HOMER2: variants seen among roughly 807,000 people sequenced by gnomAD.
HOMER2 encodes the protein homer scaffold protein 2.
HOMER2 carries 27 observed loss-of-function variants against 47.0 expected under a neutral mutation model. The ratio of observed to expected loss-of-function variants is 0.57; its 90% CI spans 0.42 to 0.79. The LOEUF (loss-of-function observed/expected upper bound fraction) is 0.79, where lower values mean the gene tolerates loss of function less well. HOMER2 is among the 30% of genes least tolerant of loss of function. HOMER2 has a pLI of 0.00. For missense variants in HOMER2, 443 were observed against 435.0 expected, an observed-to-expected ratio of 1.02 and a Z score of -0.16; for synonymous variants, 161 against 163.8, an observed-to-expected ratio of 0.98 and a Z score of 0.13.
At chr15:82,868,983 T>C (rs1296418608) in intron 3 of HOMER2, among the ~76,000 whole-genome samples, 3 of 152,178 alleles carry the variant, frequency 2.0e-5, no homozygotes, top group African/African-American at 7.2e-5. Context: ...GGCAATGACC[T>C]AGAAGTTACC....
chr15:82,851,673 A>G (rs1209441963), intron 7 of HOMER2, among the ~76,000 whole-genome samples: 2 of 152,200 alleles, frequency 1.3e-5, no homozygotes, highest in Non-Finnish European at 2.9e-5. Context: ...GCGTGTGTCT[A>G]TAGTCCCAGC....
chr15:82,911,855 C>A (rs908720241), intron 1 of HOMER2, among the ~76,000 whole-genome samples: 2 of 152,004 alleles, frequency 1.3e-5, no homozygotes, highest in Non-Finnish European at 2.9e-5. Context: ...CATGGTAAAA[C>A]CCCCATCTCT....
intron 1 of HOMER2, among the ~76,000 whole-genome samples, chr15:82,932,139 G>A (rs2054027062): frequency 6.6e-6 from 1 of 152,184 alleles, no homozygotes; most frequent in Non-Finnish European, 1.5e-5. Flanking sequence ...ACAGCCCAAT[G>A]CTAGAGACCA....
At chr15:82,941,513 C>G (rs1197971749) in intron 1 of HOMER2, among the ~76,000 whole-genome samples, 1 of 151,128 alleles carries the variant, frequency 6.6e-6, no homozygotes, top group Non-Finnish European at 1.5e-5. Context: ...AAAATGTTCC[C>G]TTACTGCCTA....
intron 1 of HOMER2, among the ~76,000 whole-genome samples, chr15:82,981,159 C>T (rs1182645839): frequency 1.3e-5 from 2 of 152,234 alleles, no homozygotes; most frequent in Non-Finnish European, 2.9e-5. Flanking sequence ...GAACTGCAAG[C>T]TGCCCAATAT....
intron 1 of HOMER2, among the ~76,000 whole-genome samples, chr15:82,895,270 C>T (rs2052869817): frequency 1.3e-5 from 2 of 152,120 alleles, no homozygotes; most frequent in Non-Finnish European, 2.9e-5. Context: ...CCAAGTTCAC[C>T]CACACACTCG....
chr15:82,861,234 A>G (rs2051779833), intron 4 of HOMER2, among the ~76,000 whole-genome samples: 1 of 152,148 alleles, frequency 6.6e-6, no homozygotes, highest in East Asian at 1.9e-4. Flanking sequence ...TTATGCAGAA[A>G]CCACCAAATG....
intron 1 of HOMER2, among the ~76,000 whole-genome samples, chr15:82,909,006 G>C (rs1056611124): frequency 2.0e-5 from 3 of 152,250 alleles, no homozygotes; most frequent in East Asian, 1.9e-4. Context: ...AGGGTCTGCA[G>C]AGAGAAAAGA....
chr15:82,872,202 G>A (rs2052199113), intron 3 of HOMER2, among the ~76,000 whole-genome samples: 1 of 152,138 alleles, frequency 6.6e-6, no homozygotes, highest in Non-Finnish European at 1.5e-5. Flanking sequence ...CCCTCAGACA[G>A]AGGTTCCAGC....
chr15:82,913,312 AT>A lies in HOMER2; in HGVS notation c.6-20472del, dbSNP rs59538590. 4.9e-4 allele frequency among the ~76,000 whole-genome samples: 72 copies of A among 146,718 alleles called. No homozygotes were observed. The highest frequency in any genetic ancestry group is 6.5e-4 in the African/African-American group (26 of 40,204). On this transcript the variant is annotated intron_variant, in intron 1 of 8. Transcript: ENST00000450735. This position sits in a 1 kb window ranked among gnomAD's most constrained non-coding sequence, Gnocchi z 4.1. ...CTTACTTTGCCTCCAGGTTAGTCTG[AT>A]TTTTTTTTTTTAACAGCAAACATTG...
At chr15:82,969,069 T>G (rs1416287224) in intron 1 of HOMER2, among the ~76,000 whole-genome samples, 1 of 152,172 alleles carries the variant, frequency 6.6e-6, no homozygotes, top group African/African-American at 2.4e-5. Context: ...TTGAGGAAAT[T>G]CAGAAAGTGG....
intron 3 of HOMER2, among the ~76,000 whole-genome samples, chr15:82,871,280 G>GA (rs1395121394): frequency 2.6e-5 from 4 of 152,216 alleles, no homozygotes; most frequent in African/African-American, 9.6e-5. Flanking sequence ...TTTCTGGGGG[G>GA]TAGAGAGGGA....
chr15:82,938,330 C>T (rs968834772), intron 1 of HOMER2, among the ~76,000 whole-genome samples: 2 of 152,094 alleles, frequency 1.3e-5, no homozygotes, highest in African/African-American at 4.8e-5. Flanking sequence ...GTTGAGATCG[C>T]GCCACTGCAC....
intron 1 of HOMER2, among the ~76,000 whole-genome samples, chr15:82,968,838 G>A (rs961787707): frequency 6.6e-6 from 1 of 152,262 alleles, no homozygotes; most frequent in South Asian, 2.1e-4. Context: ...TTTCAGCTTC[G>A]AGGCTGATCA....
intron 1 of HOMER2, among the ~76,000 whole-genome samples, chr15:82,934,650 T>G (rs2054099693): frequency 6.6e-6 from 1 of 152,140 alleles, no homozygotes; most frequent in South Asian, 2.1e-4. Flanking sequence ...CAATCCCCGG[T>G]GGATCCTGCC....
rs189747851 is a variant in HOMER2 at position 82,962,626 on chromosome 15, G to A, written n.83-3318C>T. 1.2e-3 allele frequency among the ~76,000 whole-genome samples: 177 copies of A among 152,094 alleles called. 2 individuals carry two copies. Among genetic ancestry groups the A allele is most frequent in the Middle Eastern group, 3.4e-3 (1 of 294 alleles). ...CGGGAGGTGGAGGTTGCAGCAAGCCGATATTGTGCTATTGCACTCCAGCCT... is the reference window on the plus strand; with the variant it reads ...CGGGAGGTGGAGGTTGCAGCAAGCCAATATTGTGCTATTGCACTCCAGCCT... On this transcript the variant is annotated intron_variant and non_coding_transcript_variant, in intron 1 of 1. Coordinates refer to the HOMER2 transcript ENST00000500334.
At position 82,952,625 on chromosome 15, in the gene HOMER2, G is replaced by A. The variant is rs967931191; in HGVS notation, c.-90C>T. On this transcript the variant is annotated 5_prime_UTR_variant, in exon 1 of 9. Transcript: ENST00000450735. ...AGCCGCTCCCCGCGCGGCACATGCG[G>A]CGGCCCGTGCGCGCCCGGCTCAGCC... The A allele has an allele frequency of 9.6e-7, 1 of 1,044,912 alleles. No homozygotes were observed. The highest frequency in any genetic ancestry group is 1.1e-6 in the Non-Finnish European group (1 of 870,214). 64.7% of individuals were successfully genotyped at this position (1,044,912 alleles called of 1,614,324 possible). A position where few individuals can be genotyped will look rare whatever the true frequency, so the allele number is the denominator to read the frequency against.
At chr15:82,851,977 C>T (rs557178596) in intron 7 of HOMER2, among the ~76,000 whole-genome samples, 165 bp downstream of exon 7, 4 of 152,310 alleles carry the variant, frequency 2.6e-5, no homozygotes, top group African/African-American at 9.6e-5. Context: ...ATGGGGAGGC[C>T]TTTGCTCCAG....
intron 1 of HOMER2, among the ~76,000 whole-genome samples, chr15:82,901,727 GC>G (rs2053123963): frequency 6.6e-6 from 1 of 152,222 alleles, no homozygotes; most frequent in Non-Finnish European, 1.5e-5. Context: ...TTAACTCGGG[GC>G]CAGCATCTCC....
Sources: gnomAD v4.1 joint callset for allele counts (sites outside exome capture counted in the v4.1 genomes callset) on GRCh38, gnomAD v4.1.1 for gene constraint, Gnocchi (gnomAD v3.1) non-coding constraint, MANE v1.5 for transcripts, NCBI Gene and HGNC (gene_info 2026-07-23, HGNC 2026-07-21) for gene names.